TAFA1: variants seen among roughly 807,000 people sequenced by gnomAD.
TAFA1 encodes chemokine-like protein TAFA-1.
A neutral mutation model predicts 18.5 loss-of-function variants in TAFA1; 4 were observed. The ratio of observed to expected loss-of-function variants is 0.22; its 90% confidence interval spans 0.11 to 0.49. The LOEUF is 0.49. Among genes scored for constraint, TAFA1 ranks in the 20% least tolerant of loss-of-function variants. TAFA1 has a pLI of 0.98. For missense variants in TAFA1, 147 were observed against 169.0 expected (o/e 0.87, Z 0.72); for synonymous variants, 56 against 55.2 (o/e 1.01, Z -0.06).
rs553173706 is a variant in TAFA1, at chr3:68,261,783, G to A, written c.119-155497G>A. Among the ~76,000 whole-genome samples, 3 of 152,144 alleles carry A rather than the reference G, an allele frequency of 2.0e-5. No homozygotes were observed. In the South Asian group the frequency reaches 6.2e-4, roughly 32 times the overall value. ...AACTGTTGTGGGGTGGAGGGAGTGG[G>A]GAGGGATAGCATTAGGAGATATACT... On this transcript the variant is annotated intron_variant, in intron 2 of 4. Coordinates refer to ENST00000478136, the MANE Select transcript of TAFA1 (RefSeq NM_213609.4).
chr3:68,491,087 C>T (rs1164269553), intron 3 of TAFA1, among the ~76,000 whole-genome samples: 2 of 152,120 alleles, frequency 1.3e-5, no homozygotes, highest in African/African-American at 2.4e-5. Context: ...GATCCTCCTG[C>T]CTCGGCCTTC....
chr3:68,439,236 C>A (rs1303222244), intron 3 of TAFA1, among the ~76,000 whole-genome samples: 2 of 151,238 alleles, frequency 1.3e-5, no homozygotes, highest in African/African-American at 4.9e-5. Flanking sequence ...TCAAATTATT[C>A]TTTTCCTCCC....
At chr3:68,374,864 T>C (rs923038025) in intron 2 of TAFA1, among the ~76,000 whole-genome samples, 2 of 152,174 alleles carry the variant, frequency 1.3e-5, no homozygotes, top group East Asian at 1.9e-4. Context: ...TTTATCTCTA[T>C]ACATTCTTTA....
At chr3:68,210,572 T>G (rs2066584386) in intron 2 of TAFA1, among the ~76,000 whole-genome samples, 1 of 152,044 alleles carries the variant, frequency 6.6e-6, no homozygotes, top group South Asian at 2.1e-4. Flanking sequence ...CAATACACAA[T>G]GTCTCAATTT....
rs965673756 is a variant in TAFA1 at position 68,093,226 on chromosome 3, G to A, written c.118+86482G>A. On this transcript the variant is annotated intron_variant, in intron 2 of 4. Coordinates refer to ENST00000478136, the MANE Select transcript of TAFA1 (RefSeq NM_213609.4). ...TTGAGTTTAATTCTTGTCCGGCCTG[G>A]TCACTGAGCCTCTTTCTGTATATGT... 6.6e-5 allele frequency among the ~76,000 whole-genome samples: 10 copies of A among 152,024 alleles called. 1 individual carries two copies.
chr3:68,394,904 A>G (rs972121797), intron 2 of TAFA1, among the ~76,000 whole-genome samples: 4 of 152,152 alleles, frequency 2.6e-5, no homozygotes, highest in African/African-American at 9.7e-5. Context: ...AGACTTCATG[A>G]CTAAACACCA....
At chr3:68,222,389 G>A (rs1254786003) in intron 2 of TAFA1, among the ~76,000 whole-genome samples, 2 of 152,120 alleles carry the variant, frequency 1.3e-5, no homozygotes, top group Non-Finnish European at 2.9e-5. Flanking sequence ...TCTTTTACCT[G>A]CTTGTCTCTG....
At chr3:68,177,024 C>G (rs117457002) in intron 2 of TAFA1, among the ~76,000 whole-genome samples, 75 of 151,724 alleles carry the variant, frequency 4.9e-4, no homozygotes, top group Non-Finnish European at 7.9e-4. Flanking sequence ...GTATTTTCAC[C>G]GAAGTCTTCA....
intron 2 of TAFA1, among the ~76,000 whole-genome samples, chr3:68,227,701 T>C (rs1405125004): frequency 6.6e-6 from 1 of 152,202 alleles, no homozygotes; most frequent in Non-Finnish European, 1.5e-5. Flanking sequence ...TGGCTTTTTT[T>C]CTCCCAACTA....
intron 2 of TAFA1, among the ~76,000 whole-genome samples, chr3:68,411,102 T>A (rs1254773500): frequency 6.6e-6 from 1 of 152,222 alleles, no homozygotes; most frequent in Non-Finnish European, 1.5e-5. Flanking sequence ...GGACAATAGA[T>A]AAGTAAAACC....
rs565482851 is a variant in TAFA1, at chr3:68,487,892, CT to C, written c.260-50859del. On this transcript the variant is annotated intron_variant, in intron 3 of 4. Transcript: ENST00000478136. ...AGTGTTGTAGATGTTTTTGCTTGTT[CT>C]TTTTATTGGCATGTATTGGAGGGTT... 4.1e-5 allele frequency among the ~76,000 whole-genome samples: 6 copies of C among 148,096 alleles called. No individual in the cohort carries two copies. The South Asian group carries it at 8.5e-4, about 21-fold the overall frequency.
intron 2 of TAFA1, among the ~76,000 whole-genome samples, chr3:68,383,508 A>C (rs765870498): frequency 9.9e-5 from 15 of 151,982 alleles, no homozygotes; most frequent in Non-Finnish European, 2.2e-4. Flanking sequence ...TGTTGAACAA[A>C]CTTTGCATTC....
intron 2 of TAFA1, among the ~76,000 whole-genome samples, chr3:68,061,526 A>G (rs2064602173): frequency 6.6e-6 from 1 of 152,186 alleles, no homozygotes; most frequent in Admixed American, 6.5e-5. Flanking sequence ...CATCCTCAGA[A>G]TTAAAGAGGG....
chr3:68,110,125 C>A (rs926666828), intron 2 of TAFA1, among the ~76,000 whole-genome samples: 1 of 152,090 alleles, frequency 6.6e-6, no homozygotes, highest in Non-Finnish European at 1.5e-5. Context: ...TGATGATCTC[C>A]CCCAACTCCT....
rs181987062 is a variant in TAFA1 at position 68,461,396 on chromosome 3, T to C, written c.259+43976T>C. Among the ~76,000 whole-genome samples the C allele has an allele frequency of 3.7e-4, 54 of 147,914 alleles. 1 individual carries two copies. In the East Asian group the frequency reaches 9.7e-3, roughly 27 times the overall value. ...ATATATATATGTATGTATGTATATATCCATCCCATCTAGAGATTTTTAGCT... is the reference window on the plus strand; with the variant it reads ...ATATATATATGTATGTATGTATATACCCATCCCATCTAGAGATTTTTAGCT... On this transcript the variant is annotated intron_variant, in intron 3 of 4. Transcript: ENST00000478136.
intron 2 of TAFA1, among the ~76,000 whole-genome samples, chr3:68,047,895 C>T (rs77181150): frequency 0.061 from 9,347 of 152,210 alleles, 426 homozygotes; most frequent in South Asian, 0.15. Context: ...GAGGGAGACT[C>T]AATCACTGCA....
chr3:68,339,472 G>A (rs918490451), intron 2 of TAFA1, among the ~76,000 whole-genome samples: 2 of 152,078 alleles, frequency 1.3e-5, no homozygotes, highest in Non-Finnish European at 2.9e-5. Flanking sequence ...CAAAGTTAAG[G>A]TTCATTTATT....
chr3:68,204,160 T>G (rs1460299254), intron 2 of TAFA1, among the ~76,000 whole-genome samples: 1 of 151,826 alleles, frequency 6.6e-6, no homozygotes, highest in East Asian at 2.0e-4. Context: ...TGTGACCTCA[T>G]CTGTTTTATG....
intron 2 of TAFA1, among the ~76,000 whole-genome samples, chr3:68,383,447 T>G (rs1299295296): frequency 6.6e-6 from 1 of 151,928 alleles, no homozygotes; most frequent in Non-Finnish European, 1.5e-5. Context: ...ATAATGTGGT[T>G]TTTGTCTTTT....
Sources: allele counts gnomAD v4.1 joint callset (sites outside exome capture counted in the v4.1 genomes callset), GRCh38; gene constraint gnomAD v4.1.1; transcripts MANE v1.5; gene names NCBI Gene and HGNC (gene_info 2026-07-23, HGNC 2026-07-21).